The following NRAS variants were observed in gnomAD, a reference collection of about 807,000 sequenced individuals.
NRAS encodes NRAS proto-oncogene, GTPase, also known as GTPase NRas.
A neutral mutation model predicts 21.3 loss-of-function variants in NRAS; 6 were observed. The observed-to-expected ratio is 0.28, with a 90% CI of 0.15 to 0.56. The LOEUF (loss-of-function observed/expected upper bound fraction) is 0.56, where lower values mean the gene tolerates loss of function less well. Ranked by LOEUF, NRAS falls within the 20% of genes least tolerant of loss-of-function variation. NRAS has a pLI of 0.93. For missense variants in NRAS, 143 were observed against 231.3 expected, an observed-to-expected ratio of 0.62 and a Z score of 2.48; for synonymous variants, 84 against 82.0, an observed-to-expected ratio of 1.02 and a Z score of -0.13.
intron 2 of NRAS, among the ~76,000 whole-genome samples, chr1:114,715,212 A>T (rs538774446): frequency 6.6e-6 from 1 of 152,204 alleles, no homozygotes; most frequent in South Asian, 2.1e-4. Context: ...TTTTTAGTAG[A>T]GACGGGGTTT....
At chr1:114,708,396 G>A (rs45612434) in intron 5 of NRAS, 135 bp downstream of exon 5, 34 of 801,490 alleles carry the variant, frequency 4.2e-5, no homozygotes, top group Non-Finnish European at 6.8e-5. Context: ...TTCAGAAAGG[G>A]TGTCATATGG....
At chr1:114,710,326 A>G (rs1025984264) in intron 3 of NRAS, among the ~76,000 whole-genome samples, 7 of 143,518 alleles carry the variant, frequency 4.9e-5, no homozygotes, top group Non-Finnish European at 9.1e-5. Flanking sequence ...ATATATATTT[A>G]TATATATTTA....
chr1:114,708,455 T>C (rs1453785233), intron 5 of NRAS, 76 bp downstream of exon 5: 3 of 1,355,500 alleles, frequency 2.2e-6, no homozygotes, highest in East Asian at 4.6e-5. Context: ...ATATAGACAA[T>C]AACACCAGCA....
In NRAS at chr1:114,712,364, C is replaced by T. The variant is rs9724633; in HGVS notation, c.290+1436G>A. Among the ~76,000 whole-genome samples, 1,296 of 152,252 alleles carry T rather than the reference C, an allele frequency of 8.5e-3. 16 individuals are homozygous for T. Among genetic ancestry groups the T allele is most frequent in the African/African-American group, 0.029 (1,219 of 41,550 alleles). On this transcript the variant is annotated intron_variant, in intron 3 of 6. Transcript: ENST00000369535. Reference sequence around the variant, plus strand: ...TTTTACCCTTATTTTTTTGGTCTCACTTAAGCCTATTTTTCATTAATCTTA... The same window carrying T: ...TTTTACCCTTATTTTTTTGGTCTCATTTAAGCCTATTTTTCATTAATCTTA...
chr1:114,710,146 A>G (rs987181999), intron 3 of NRAS, among the ~76,000 whole-genome samples: 1 of 150,190 alleles, frequency 6.7e-6, no homozygotes, highest in Non-Finnish European at 1.5e-5. Flanking sequence ...AGCCAAGATC[A>G]CGCCACTACA....
chr1:114,711,754 G>T (rs1166078304), intron 3 of NRAS, among the ~76,000 whole-genome samples: 1 of 152,084 alleles, frequency 6.6e-6, no homozygotes, highest in Non-Finnish European at 1.5e-5. Flanking sequence ...CCCTTTCAAT[G>T]ACATGTAAGG....
rs778873511 is a variant in NRAS, at chr1:114,713,868, T to C, written c.222A>G (p.Thr74=). 83 of 1,613,708 alleles carry C rather than the reference T, an allele frequency of 5.1e-5. No individual in the cohort carries two copies. The highest frequency in any genetic ancestry group is 2.2e-5 in the Non-Finnish European group (26 of 1,179,714). The change falls in exon 3 of 7, where the codon ACA becomes ACG. Residue 74 remains threonine (T), a synonymous_variant. Transcript: ENST00000369535. ...YSAMRDQYMR[T]GEGFLCVFAI... is the part of the protein sequence containing the mutation. Reference sequence around the variant, plus strand: ...CAAATACACAGAGGAAGCCTTCGCCTGTCCTCATGTATTGGTCTCTCATGG... The same window carrying C: ...CAAATACACAGAGGAAGCCTTCGCCCGTCCTCATGTATTGGTCTCTCATGG...
chr1:114,716,143 C>T lies in NRAS; in HGVS notation c.18G>A (p.Leu6=), dbSNP rs2101744332. The T allele has an allele frequency of 1.2e-6, 2 of 1,613,478 alleles. No individual in the cohort carries two copies. Among genetic ancestry groups the T allele is most frequent in the South Asian group, 2.2e-5 (2 of 91,066 alleles). ...CAACACCACCTGCTCCAACCACCAC[C>T]AGTTTGTACTCAGTCATTTCACACC... The part of the protein sequence containing the change: MTEYK[L]VVVGAGGVGK... The change falls in exon 2 of 7, where the codon CTG becomes CTA. Residue 6 remains leucine (L), a synonymous_variant. Transcript: ENST00000369535.
chr1:114,713,490 T>C (rs1196383299), intron 3 of NRAS, among the ~76,000 whole-genome samples: 2 of 152,198 alleles, frequency 1.3e-5, no homozygotes, highest in East Asian at 3.8e-4. Flanking sequence ...TACTGAAAGA[T>C]GTTTCTTGGA....
chr1:114,715,741 T>G (rs9724621), intron 2 of NRAS, among the ~76,000 whole-genome samples: 5 of 152,166 alleles, frequency 3.3e-5, no homozygotes, highest in Admixed American at 3.3e-4. Flanking sequence ...AATCAGACAG[T>G]CTCGCTACTA....
chr1:114,713,702 T>C (rs1330951903), intron 3 of NRAS, 98 bp downstream of exon 3: 1 of 1,040,954 alleles, frequency 9.6e-7, no homozygotes, highest in African/African-American at 1.6e-5. Flanking sequence ...CTTCCCATAA[T>C]TAAAAAGCTC....
intron 3 of NRAS, among the ~76,000 whole-genome samples, chr1:114,712,752 T>C (rs1431263583): frequency 2.0e-5 from 3 of 152,228 alleles, no homozygotes; most frequent in African/African-American, 4.8e-5. Flanking sequence ...CTGAGTGATT[T>C]GCGTATTTAT....
chr1:114,713,462 C>T (rs758300572), intron 3 of NRAS, among the ~76,000 whole-genome samples: 14 of 152,162 alleles, frequency 9.2e-5, no homozygotes, highest in Non-Finnish European at 1.6e-4. Context: ...CTGTGCCTGG[C>T]CTATCTTTTC....
intron 3 of NRAS, among the ~76,000 whole-genome samples, chr1:114,713,465 A>T (rs1233113021): frequency 6.6e-6 from 1 of 152,140 alleles, no homozygotes; most frequent in African/African-American, 2.4e-5. Flanking sequence ...TGCCTGGCCT[A>T]TCTTTTCCAT....
rs1658992926 is a variant in NRAS, at chr1:114,709,492, T to C, written c.450+77A>G. 8 of 1,183,508 alleles carry C rather than the reference T, an allele frequency of 6.8e-6. No homozygotes were observed. In the Admixed American group the frequency reaches 1.4e-4, roughly 20 times the overall value. The allele number at this position is 1,183,508 out of a possible 1,614,324, so 73.3% of individuals were successfully genotyped here. On this transcript the variant is annotated intron_variant, in intron 4 of 6. Transcript: ENST00000369535. ...AAAAAATGCATAACAACAAAGAATATGAATATGGATCACATCTCTACCAGA... is the reference window on the plus strand; with the variant it reads ...AAAAAATGCATAACAACAAAGAATACGAATATGGATCACATCTCTACCAGA...
rs1658951774 is a variant in NRAS at position 114,707,847 on chromosome 1, GA to G, written c.*246del. ...TTGTGCTGTGGAAGAACCCAGGGCAGAAAAATAACAGGGAGTAACAAGAGGT... is the reference window on the plus strand; with the variant it reads ...TTGTGCTGTGGAAGAACCCAGGGCAGAAAATAACAGGGAGTAACAAGAGGT... On this transcript the variant is annotated 3_prime_UTR_variant, in exon 7 of 7. Coordinates refer to ENST00000369535, the MANE Select transcript of NRAS (RefSeq NM_002524.5). 1 of 152,864 alleles carries G rather than the reference GA, an allele frequency of 6.5e-6. No homozygotes were observed. The highest frequency in any genetic ancestry group is 1.5e-5 in the Non-Finnish European group (1 of 68,248). The allele number at this position is 152,864 out of a possible 1,614,324, so 9.5% of individuals were successfully genotyped here.
Position 114,713,991 on chromosome 1 carries a change from A to C in NRAS, c.112-13T>G. 13 of 973,126 alleles carry C rather than the reference A, an allele frequency of 1.3e-5. No homozygotes were observed. The highest frequency in any genetic ancestry group is 1.7e-5 in the Non-Finnish European group (11 of 649,436). 60.3% of individuals were successfully genotyped at this position (973,126 alleles called of 1,614,324 possible). On this transcript the variant is annotated splice_polypyrimidine_tract_variant and intron_variant, in intron 2 of 6. Transcript: ENST00000369535. ...TTCTGTAAGAATCCTGGGGGTGTGG[A>C]GGGTAAGGGGGCAGGGAGGGAGGGA... is the stretch of plus-strand genomic sequence containing the variant.
At chr1:114,714,061 C>A (rs1321333760) in intron 2 of NRAS, 83 bp from the exon 3 acceptor site, 4 of 885,066 alleles carry the variant, frequency 4.5e-6, no homozygotes, top group Non-Finnish European at 7.1e-6. Context: ...ATGCTATTGC[C>A]AAGGTTAAAT....
intron 1 of NRAS, among the ~76,000 whole-genome samples, chr1:114,716,437 T>G (rs1659169293): frequency 6.6e-6 from 1 of 151,832 alleles, no homozygotes; most frequent in Non-Finnish European, 1.5e-5. Context: ...TTCCTATTAC[T>G]CCCCGAAGGC....
Sources: allele counts gnomAD v4.1 joint callset (sites outside exome capture counted in the v4.1 genomes callset), GRCh38; gene constraint gnomAD v4.1.1; transcripts MANE v1.5; gene names NCBI Gene and HGNC (gene_info 2026-07-23, HGNC 2026-07-21).